AGBL1: variants seen among roughly 807,000 people sequenced by gnomAD.
AGBL1 encodes cytosolic carboxypeptidase 4.
In AGBL1, 130 loss-of-function variants were observed where a neutral mutation model predicts 118.9. The observed-to-expected ratio is 1.09, with a 90% CI of 0.95 to 1.26. The LOEUF (loss-of-function observed/expected upper bound fraction) is 1.26. Ranked by LOEUF, AGBL1 falls within the 50% of genes most tolerant of loss-of-function variation. The probability of loss-of-function intolerance (pLI) is 0.00; values close to 1 mark genes in which losing one functional copy is unlikely to be tolerated. For missense variants in AGBL1, 1,584 were observed against 1,298.1 expected (o/e 1.22, Z -3.38); for synonymous variants, 555 against 478.9 (o/e 1.16, Z -2.08).
At chr15:86,956,126 T>C (rs1392112866) in intron 23 of AGBL1, among the ~76,000 whole-genome samples, 1 of 151,948 alleles carries the variant, frequency 6.6e-6, no homozygotes, top group African/African-American at 2.4e-5. Context: ...TAGGAAAATA[T>C]ATAAGGAAAA....
intron 22 of AGBL1, among the ~76,000 whole-genome samples, chr15:86,860,512 G>T (rs1467651019): frequency 6.6e-6 from 1 of 151,906 alleles, no homozygotes; most frequent in Admixed American, 6.6e-5. Flanking sequence ...GTTAACTGCA[G>T]TCATAAAGCA....
chr15:86,638,623 C>T (rs1240978752), intron 21 of AGBL1, among the ~76,000 whole-genome samples: 2 of 152,136 alleles, frequency 1.3e-5, no homozygotes, highest in South Asian at 2.1e-4. Context: ...GCTTCAGTGT[C>T]TAAGTAATCC....
intron 22 of AGBL1, among the ~76,000 whole-genome samples, chr15:86,727,118 T>C (rs2086832804): frequency 6.6e-6 from 1 of 152,158 alleles, no homozygotes; most frequent in African/African-American, 2.4e-5. Context: ...ATGGGGACTC[T>C]AGTGATAATG....
chr15:86,327,852 G>A (rs745839628), intron 17 of AGBL1, among the ~76,000 whole-genome samples: 3 of 152,162 alleles, frequency 2.0e-5, no homozygotes, highest in Non-Finnish European at 4.4e-5. Flanking sequence ...CTAATGATAT[G>A]AGGAGGCTCA....
chr15:86,935,518 G>A (rs1054055953), intron 23 of AGBL1, among the ~76,000 whole-genome samples: 1 of 152,052 alleles, frequency 6.6e-6, no homozygotes, highest in Non-Finnish European at 1.5e-5. Flanking sequence ...GGCAAGCTGG[G>A]GCACACAGCC....
At chr15:86,707,245 G>A (rs2086466562) in intron 22 of AGBL1, among the ~76,000 whole-genome samples, 1 of 152,036 alleles carries the variant, frequency 6.6e-6, no homozygotes, top group African/African-American at 2.4e-5. Flanking sequence ...AGGGAACAAA[G>A]GTCTACTCCA....
At chr15:86,266,879 A>G in intron 12 of AGBL1, 111 bp from the exon 13 acceptor site, 1 of 962,584 alleles carries the variant, frequency 1.0e-6, no homozygotes, top group Non-Finnish European at 1.6e-6. Context: ...CAGCCTGGGC[A>G]ACAGAGTGAG....
At chr15:86,679,963 T>G (rs1231943526) in intron 22 of AGBL1, among the ~76,000 whole-genome samples, 1 of 152,132 alleles carries the variant, frequency 6.6e-6, no homozygotes, top group Non-Finnish European at 1.5e-5. Context: ...TGCCTATATT[T>G]GTGAGTGAGT....
intron 22 of AGBL1, among the ~76,000 whole-genome samples, chr15:86,688,946 G>C (rs375844354): frequency 1.2e-4 from 18 of 152,152 alleles, no homozygotes; most frequent in African/African-American, 4.1e-4. Flanking sequence ...AGAATTTTAT[G>C]TCAATGGAAT....
chr15:86,363,918 T>G (rs2080841574), intron 17 of AGBL1, among the ~76,000 whole-genome samples: 1 of 152,208 alleles, frequency 6.6e-6, no homozygotes, highest in Non-Finnish European at 1.5e-5. Context: ...CAAAATTTAG[T>G]AATCAGAGTT....
chr15:86,579,026 C>T (rs140948101), intron 21 of AGBL1, among the ~76,000 whole-genome samples: 1 of 152,064 alleles, frequency 6.6e-6, no homozygotes, highest in East Asian at 1.9e-4. Context: ...TATTGTTATA[C>T]CCAGCCTAGG....
intron 1 of AGBL1, chr15:86,105,022 T>C (rs1387205303): frequency 3.3e-5 from 5 of 152,200 alleles, no homozygotes. Flanking sequence ...CTGAGAAAGA[T>C]GCCTGATTTC....
At chr15:86,497,449 A>G (rs927481691) in intron 18 of AGBL1, among the ~76,000 whole-genome samples, 2 of 152,118 alleles carry the variant, frequency 1.3e-5, no homozygotes, top group South Asian at 4.1e-4. Context: ...TACTCACAAT[A>G]TAATTGCCAT....
chr15:86,641,432 G>T lies in AGBL1; in HGVS notation c.2995-32841G>T, dbSNP rs184872214. Among the ~76,000 whole-genome samples the T allele has an allele frequency of 2.9e-3, 439 of 151,164 alleles. 3 individuals carry two copies. Among genetic ancestry groups the T allele is most frequent in the African/African-American group, 1.0e-2 (411 of 41,224 alleles). ...TTTTTTTAAAAAAAAAAGCAGTGCCGGTAGTTACCTGGCAGCCCCCATGAG... is the reference window on the plus strand; with the variant it reads ...TTTTTTTAAAAAAAAAAGCAGTGCCTGTAGTTACCTGGCAGCCCCCATGAG... On this transcript the variant is annotated intron_variant, in intron 21 of 22. Transcript: ENST00000614907.
chr15:86,554,021 C>A (rs1391862502), intron 20 of AGBL1, among the ~76,000 whole-genome samples: 2 of 152,012 alleles, frequency 1.3e-5, no homozygotes, highest in Non-Finnish European at 1.5e-5. Context: ...CCACCACATC[C>A]AGCTAATTTT....
chr15:86,524,317 G>C (rs1184179704), intron 19 of AGBL1, among the ~76,000 whole-genome samples: 2 of 152,172 alleles, frequency 1.3e-5, no homozygotes, highest in Non-Finnish European at 2.9e-5. Flanking sequence ...GGACTCACAG[G>C]ACTCAGAATA....
chr15:86,330,572 T>A (rs1330265088), intron 17 of AGBL1, among the ~76,000 whole-genome samples: 2 of 152,100 alleles, frequency 1.3e-5, no homozygotes, highest in African/African-American at 4.8e-5. Context: ...CCATGAAAAA[T>A]CTGAATGTAG....
chr15:86,117,863 G>A (rs1208545761), intron 1 of AGBL1, among the ~76,000 whole-genome samples: 1 of 152,166 alleles, frequency 6.6e-6, no homozygotes, highest in Non-Finnish European at 1.5e-5. Context: ...CTGTGATTTG[G>A]TGATTTGGAT....
intron 22 of AGBL1, among the ~76,000 whole-genome samples, chr15:86,691,749 C>A (rs1276116248): frequency 6.6e-6 from 1 of 152,080 alleles, no homozygotes; most frequent in South Asian, 2.1e-4. Flanking sequence ...CTGCCTGAGG[C>A]TGTTATAAAA....
Sources: allele counts gnomAD v4.1 joint callset (sites outside exome capture counted in the v4.1 genomes callset), GRCh38; gene constraint gnomAD v4.1.1; transcripts MANE v1.5; gene names NCBI Gene and HGNC (gene_info 2026-07-23, HGNC 2026-07-21).